Variants in MTUS2 observed in about 807,000 individuals in gnomAD.
MTUS2 encodes microtubule-associated tumor suppressor candidate 2.
A neutral mutation model predicts 114.1 loss-of-function variants in MTUS2; 40 were observed. The observed-to-expected ratio is 0.35, with a 90% CI of 0.27 to 0.46. The LOEUF (loss-of-function observed/expected upper bound fraction) is 0.46. Ranked by LOEUF, MTUS2 falls within the 20% of genes least tolerant of loss-of-function variation. The pLI, the probability that MTUS2 is intolerant of heterozygous loss-of-function variation, is 1.00. For missense variants in MTUS2, 1,679 were observed against 1,705.4 expected, an observed-to-expected ratio of 0.98 and a Z score of 0.27; for synonymous variants, 688 against 672.0, an observed-to-expected ratio of 1.02 and a Z score of -0.37.
chr13:28,875,790 ATT>A (rs1877895515), intron 2 of MTUS2, among the ~76,000 whole-genome samples: 1 of 152,236 alleles, frequency 6.6e-6, no homozygotes, highest in African/African-American at 2.4e-5. Flanking sequence ...ATGGGTAAGA[ATT>A]ATTCTTACTA....
chr13:28,912,910 T>G (rs1436149851), intron 2 of MTUS2, among the ~76,000 whole-genome samples: 2 of 152,168 alleles, frequency 1.3e-5, no homozygotes, highest in Non-Finnish European at 2.9e-5. Context: ...TTAGGGTACA[T>G]GTACACAATA....
intron 5 of MTUS2, among the ~76,000 whole-genome samples, chr13:29,157,814 ATAGATG>A (rs146902726): frequency 0.13 from 20,046 of 151,834 alleles, 1,646 homozygotes; most frequent in Middle Eastern, 0.21. Flanking sequence ...AGATACAGAT[ATAGATG>A]TAGATATAGA....
intron 5 of MTUS2, among the ~76,000 whole-genome samples, chr13:29,179,890 A>G (rs368549270): frequency 6.6e-6 from 1 of 152,210 alleles, no homozygotes; most frequent in African/African-American, 2.4e-5. Context: ...AGGATGGGTT[A>G]TAAATAAACT....
intron 2 of MTUS2, among the ~76,000 whole-genome samples, chr13:28,874,899 T>C (rs1462724380): frequency 6.6e-6 from 1 of 152,224 alleles, no homozygotes; most frequent in East Asian, 1.9e-4. Flanking sequence ...TAAGAGGTCT[T>C]GATTTGGTAT....
rs1566173151 is a variant in MTUS2, at chr13:29,389,463, A to ATGTATACACGTGTGTG, written c.3117+29993_3117+29994insATACACGTGTGTGTGT. Among the ~76,000 whole-genome samples the ATGTATACACGTGTGTG allele has an allele frequency of 2.8e-3, 129 of 46,274 alleles. 3 individuals are homozygous for ATGTATACACGTGTGTG. Among genetic ancestry groups the ATGTATACACGTGTGTG allele is most frequent in the East Asian group, 0.013 (17 of 1,354 alleles). 30.4% of individuals were successfully genotyped at this position (46,274 alleles called of 152,430 possible). ...TATGTGTATGTATACACGTGTGTGTATGTGTATATGTATACACGTGTGTGT... is the reference window on the plus strand; with the variant it reads ...TATGTGTATGTATACACGTGTGTGTATGTATACACGTGTGTGTGTGTATATGTATACACGTGTGTGT... On this transcript the variant is annotated intron_variant, in intron 8 of 15. Coordinates refer to ENST00000612955, the MANE Select transcript of MTUS2 (RefSeq NM_001033602.4).
At chr13:29,021,627 G>A (rs891030383) in intron 2 of MTUS2, among the ~76,000 whole-genome samples, 2 of 152,164 alleles carry the variant, frequency 1.3e-5, no homozygotes, top group Non-Finnish European at 2.9e-5. Context: ...GTTCCCTTCT[G>A]TGGATGGCCT....
At chr13:28,834,471 C>T (rs1417371263) in intron 1 of MTUS2, among the ~76,000 whole-genome samples, 1 of 152,060 alleles carries the variant, frequency 6.6e-6, no homozygotes, top group Non-Finnish European at 1.5e-5. Flanking sequence ...GCTGGAATAA[C>T]TAGATGCCTA....
At chr13:29,154,441 T>G (rs1892778736) in intron 5 of MTUS2, among the ~76,000 whole-genome samples, 1 of 152,214 alleles carries the variant, frequency 6.6e-6, no homozygotes, top group Admixed American at 6.5e-5. Flanking sequence ...TCATACATTA[T>G]TAAACATAAC....
At chr13:29,123,828 C>T (rs950824186) in intron 5 of MTUS2, among the ~76,000 whole-genome samples, 4 of 152,186 alleles carry the variant, frequency 2.6e-5, no homozygotes, top group African/African-American at 9.7e-5. Flanking sequence ...CCCAAGTGTT[C>T]TCAGAACATG....
chr13:28,841,577 CT>C (rs1267979768), intron 2 of MTUS2, among the ~76,000 whole-genome samples: 4 of 152,064 alleles, frequency 2.6e-5, no homozygotes, highest in African/African-American at 9.7e-5. Flanking sequence ...TAAGTAAAAG[CT>C]TTTGGTTTCT....
chr13:29,145,813 A>T (rs939182071), intron 5 of MTUS2, among the ~76,000 whole-genome samples: 1 of 152,192 alleles, frequency 6.6e-6, no homozygotes, highest in Admixed American at 6.5e-5. Flanking sequence ...GGCATATTTT[A>T]GTAGAACTGC....
intron 8 of MTUS2, among the ~76,000 whole-genome samples, chr13:29,438,578 C>T (rs1036939035): frequency 2.0e-5 from 3 of 152,060 alleles, no homozygotes; most frequent in African/African-American, 4.8e-5. Flanking sequence ...GAGGGCTCCA[C>T]CCTCATGACC....
chr13:28,965,399 C>T (rs761643270), intron 2 of MTUS2, among the ~76,000 whole-genome samples: 13 of 152,164 alleles, frequency 8.5e-5, no homozygotes, highest in African/African-American at 1.2e-4. Context: ...CCTGTCTACA[C>T]GGTTTTAGGT....
intron 9 of MTUS2, among the ~76,000 whole-genome samples, chr13:29,453,897 C>G (rs570992917): frequency 6.6e-6 from 1 of 152,082 alleles, no homozygotes; most frequent in Admixed American, 6.5e-5. Flanking sequence ...TTTTTTGTGT[C>G]ATGTCTAAGC....
intron 2 of MTUS2, among the ~76,000 whole-genome samples, chr13:28,975,781 C>G (rs888113775): frequency 6.6e-6 from 1 of 152,122 alleles, no homozygotes; most frequent in African/African-American, 2.4e-5. Flanking sequence ...TTATCTTTGC[C>G]TTTTTGAAAC....
rs187951451 is a variant in MTUS2, at chr13:28,834,581, A to T, written c.-315-5197A>T. Among the ~76,000 whole-genome samples, 76 of 152,278 alleles carry T rather than the reference A, an allele frequency of 5.0e-4. 1 individual carries two copies. Among genetic ancestry groups the T allele is most frequent in the Non-Finnish European group, 7.8e-4 (53 of 67,984 alleles). ...TGTAAAATATAAAACAATAAGTCTCAGGAAAAAAAGTAAGAGTAAATCTTC... is the reference window on the plus strand; with the variant it reads ...TGTAAAATATAAAACAATAAGTCTCTGGAAAAAAAGTAAGAGTAAATCTTC... On this transcript the variant is annotated intron_variant, in intron 1 of 15. Coordinates refer to ENST00000612955, the MANE Select transcript of MTUS2 (RefSeq NM_001033602.4).
chr13:29,503,645 G>C lies in MTUS2; in HGVS notation c.*439G>C, dbSNP rs1883059707. ...GAAGTGCTGACATATTTTAGTGAAGGTCAGCAGTTTTCTAACTTGTGCCTA... is the reference window on the plus strand; with the variant it reads ...GAAGTGCTGACATATTTTAGTGAAGCTCAGCAGTTTTCTAACTTGTGCCTA... On this transcript the variant is annotated 3_prime_UTR_variant, in exon 16 of 16. Coordinates refer to ENST00000612955, the MANE Select transcript of MTUS2 (RefSeq NM_001033602.4). 1 of 240,424 alleles carries C rather than the reference G, an allele frequency of 4.2e-6. No individual in the cohort carries two copies. Among genetic ancestry groups the C allele is most frequent in the South Asian group, 1.6e-4 (1 of 6,112 alleles). The allele number at this position is 240,424 out of a possible 1,614,324, so 14.9% of individuals were successfully genotyped here. A position where few individuals can be genotyped will look rare whatever the true frequency, so the allele number is the denominator to read the frequency against.
intron 8 of MTUS2, among the ~76,000 whole-genome samples, chr13:29,421,698 T>C (rs1396272833): frequency 1.3e-5 from 2 of 152,076 alleles, no homozygotes; most frequent in Non-Finnish European, 2.9e-5. Context: ...TATTATGATA[T>C]CAGGCAGGAA....
At chr13:28,821,144 T>C (rs1873871091) in intron 1 of MTUS2, among the ~76,000 whole-genome samples, 1 of 152,210 alleles carries the variant, frequency 6.6e-6, no homozygotes, top group Non-Finnish European at 1.5e-5. Context: ...CTCTCTGTTA[T>C]ATAAATGCTT....
Sources: allele counts gnomAD v4.1 joint callset (sites outside exome capture counted in the v4.1 genomes callset), GRCh38; gene constraint gnomAD v4.1.1; transcripts MANE v1.5; gene names NCBI Gene and HGNC (gene_info 2026-07-23, HGNC 2026-07-21).